Variants in PRIM2 observed in about 807,000 individuals in gnomAD.
PRIM2 encodes the protein DNA primase large subunit.
In PRIM2, 39 loss-of-function variants were observed where a neutral mutation model predicts 67.3. That is an observed-to-expected ratio of 0.58 (90% CI 0.45 to 0.76). PRIM2 has a LOEUF of 0.76. Ranked by LOEUF, PRIM2 falls within the 30% of genes least tolerant of loss-of-function variation. The pLI is 0.00. For synonymous variants in PRIM2, 143 were observed against 198.7 expected (o/e 0.72, Z 2.36); for missense variants, 398 against 598.7 (o/e 0.66, Z 3.50).
the PRIM2 span, among the ~76,000 whole-genome samples, chr6:57,295,246 A>G: frequency 2.0e-5 from 3 of 152,200 alleles, no homozygotes; most frequent in African/African-American, 7.2e-5. Context: ...ACGTGACAAA[A>G]TGCTGCCAAC....
At chr6:57,242,015 A>G in the PRIM2 span, among the ~76,000 whole-genome samples, 1 of 152,148 alleles carries the variant, frequency 6.6e-6, no homozygotes, top group African/African-American at 2.4e-5. Flanking sequence ...AAATAGATAA[A>G]GACATTACAT....
At chr6:57,284,173 A>G in the PRIM2 span, among the ~76,000 whole-genome samples, 8,661 of 152,200 alleles carry the variant, frequency 0.057, 263 homozygotes, top group Non-Finnish European at 0.072. Flanking sequence ...AAAGAGAGAG[A>G]GTTGAGTCTC....
rs750138475 is a variant in PRIM2, at chr6:57,318,462, G to A, written c.17G>A (p.Arg6Lys). 5 of 1,611,624 alleles carry A rather than the reference G, an allele frequency of 3.1e-6. No individual in the cohort carries two copies. The South Asian group carries it at 5.5e-5, about 18-fold the overall frequency. MEFSG[R>K]KWRKLRLAGD... ...GTGACCAAGATGGAGTTTTCTGGAAGAAAGTGGAGGAAGCTGAGGTTGGCA... is the reference window on the plus strand; with the variant it reads ...GTGACCAAGATGGAGTTTTCTGGAAAAAAGTGGAGGAAGCTGAGGTTGGCA... The change falls in exon 2 of 14, where the codon AGA becomes AAA. Residue 6 changes from arginine to lysine, a missense_variant. By Grantham distance (26) the Arg-to-Lys change is conservative (BLOSUM62 2). This residue lies in a region of PRIM2 where 96 missense variants were observed against 98.3 expected (regional missense o/e 0.98). Transcript: ENST00000615550.
rs565440819 is a variant in PRIM2 at position 57,445,261 on chromosome 6, G to T, written c.694-62126G>T. Among the ~76,000 whole-genome samples the T allele has an allele frequency of 3.3e-5, 5 of 152,242 alleles. No homozygotes were observed. In the East Asian group the frequency reaches 5.8e-4, roughly 18 times the overall value. On this transcript the variant is annotated intron_variant, in intron 7 of 13. Coordinates refer to ENST00000615550, the MANE Select transcript of PRIM2 (RefSeq NM_000947.5). ...TCTAGGGTATCTCTTCATTTTCATA[G>T]TTGAAGAAACTGAGACCCTATCAGG... is the stretch of plus-strand genomic sequence containing the variant.
chr6:57,603,813 A>G (rs2127492241), intron 11 of PRIM2, among the ~76,000 whole-genome samples: 1 of 151,852 alleles, frequency 6.6e-6, no homozygotes, highest in South Asian at 2.1e-4. Flanking sequence ...CCAATCCATG[A>G]GCATGGAATG....
At chr6:57,439,755 T>C (rs531107243) in intron 7 of PRIM2, among the ~76,000 whole-genome samples, 1 of 152,244 alleles carries the variant, frequency 6.6e-6, no homozygotes, top group African/African-American at 2.4e-5. Context: ...TAAAATATGT[T>C]ATTTCAGATT....
chr6:57,283,892 A>G, the PRIM2 span, among the ~76,000 whole-genome samples: 3 of 152,074 alleles, frequency 2.0e-5, no homozygotes, highest in Admixed American at 6.6e-5. Flanking sequence ...TTTTTTTAAA[A>G]GCTAACTCCT....
chr6:57,534,190 C>T (rs1407535066), intron 9 of PRIM2, among the ~76,000 whole-genome samples: 2 of 152,138 alleles, frequency 1.3e-5, no homozygotes, highest in African/African-American at 2.4e-5. Context: ...TATAGGTATG[C>T]GGTGAGTGTC....
chr6:57,237,374 A>G, the PRIM2 span, among the ~76,000 whole-genome samples: 1 of 151,820 alleles, frequency 6.6e-6, no homozygotes, highest in Non-Finnish European at 1.5e-5. Flanking sequence ...TTGCCTGTTC[A>G]CTCTGATGGT....
At chr6:57,592,822 C>T (rs1331083727) in intron 10 of PRIM2, among the ~76,000 whole-genome samples, 30 of 151,696 alleles carry the variant, frequency 2.0e-4, no homozygotes, top group African/African-American at 6.8e-4. Flanking sequence ...AATATTTAGT[C>T]TTGTGTTTTT....
chr6:57,515,759 A>G (rs1554348188), intron 8 of PRIM2, among the ~76,000 whole-genome samples: 11 of 152,214 alleles, frequency 7.2e-5, no homozygotes, highest in South Asian at 2.1e-4. Flanking sequence ...TTCTATTCCA[A>G]TCTTAACAAA....
At chr6:57,424,092 A>G (rs1285685945) in intron 7 of PRIM2, among the ~76,000 whole-genome samples, 1 of 152,230 alleles carries the variant, frequency 6.6e-6, no homozygotes, top group East Asian at 1.9e-4. Flanking sequence ...GGATTGTGAA[A>G]AAGTACATTT....
At chr6:57,519,177 G>C (rs1322031826) in intron 8 of PRIM2, among the ~76,000 whole-genome samples, 2 of 152,180 alleles carry the variant, frequency 1.3e-5, no homozygotes, top group African/African-American at 4.8e-5. Context: ...GAGGCAGGGC[G>C]AGATCACAGG....
At chr6:57,494,256 A>G (rs1246335912) in intron 7 of PRIM2, among the ~76,000 whole-genome samples, 2 of 152,184 alleles carry the variant, frequency 1.3e-5, no homozygotes, top group Non-Finnish European at 2.9e-5. Context: ...TTCCATCACG[A>G]AAGTGGCAGC....
intron 5 of PRIM2, among the ~76,000 whole-genome samples, chr6:57,376,420 A>AT (rs1253568996): frequency 6.6e-6 from 1 of 152,084 alleles, no homozygotes; most frequent in Non-Finnish European, 1.5e-5. Context: ...CTTTTAATAC[A>AT]TTTTTTGGCT....
In PRIM2 at chr6:57,326,024, T is replaced by C; in HGVS notation, c.438T>C (p.Asp146=). ...PKDKIQDFLK[D]SQLQFEAISD... ...ATAAAATTCAGGATTTCTTAAAGGA[T>C]AGCCAATTGCAGTTTGAGGCTGTAA... The change falls in exon 5 of 14, where the codon GAT becomes GAC. Residue 146 remains aspartate (D), a synonymous_variant. Coordinates refer to ENST00000615550, the MANE Select transcript of PRIM2 (RefSeq NM_000947.5). 6.2e-7 allele frequency: 1 copy of C among 1,612,782 alleles called. No homozygotes were observed.
At chr6:57,335,626 C>A (rs1488728950) in intron 5 of PRIM2, among the ~76,000 whole-genome samples, 1 of 152,126 alleles carries the variant, frequency 6.6e-6, no homozygotes, top group African/African-American at 2.4e-5. Context: ...TGGCCAGGTA[C>A]TCCAACAGAC....
At chr6:57,446,784 GCCATCT>G (rs1327672095) in intron 7 of PRIM2, among the ~76,000 whole-genome samples, 1 of 152,110 alleles carries the variant, frequency 6.6e-6, no homozygotes, top group Non-Finnish European at 1.5e-5. Context: ...GAGTCAGCTG[GCCATCT>G]CCATCTCCCA....
chr6:57,531,201 C>G (rs1158826656), intron 8 of PRIM2, among the ~76,000 whole-genome samples: 1 of 152,072 alleles, frequency 6.6e-6, no homozygotes, highest in Non-Finnish European at 1.5e-5. Context: ...AGCCTAGGCT[C>G]GAATGCTCAG....
Sources: allele counts gnomAD v4.1 joint callset (sites outside exome capture counted in the v4.1 genomes callset), GRCh38; gene constraint gnomAD v4.1.1; regional missense constraint gnomAD v4.1.1; transcripts MANE v1.5; gene names NCBI Gene and HGNC (gene_info 2026-07-23, HGNC 2026-07-21).